CACHD1: variants seen among roughly 807,000 people sequenced by gnomAD.
CACHD1 encodes cache domain containing 1, also known as VWFA and cache domain-containing protein 1.
A neutral mutation model predicts 138.7 loss-of-function variants in CACHD1; 71 were observed. The observed-to-expected ratio is 0.51, with a 90% CI of 0.42 to 0.62. The LOEUF is 0.62. Ranked by LOEUF, CACHD1 falls within the 20% of genes least tolerant of loss-of-function variation. The pLI, the probability that CACHD1 is intolerant of heterozygous loss-of-function variation, is 0.00. For synonymous variants in CACHD1, 578 were observed against 591.5 expected (o/e 0.98, Z 0.33); for missense variants, 1,389 against 1,625.3 (o/e 0.85, Z 2.50).
At chr1:64,681,441 T>TAA in intron 25 of CACHD1, 106 bp downstream of exon 25, 1 of 848,820 alleles carries the variant, frequency 1.2e-6, no homozygotes, top group Non-Finnish European at 1.8e-6. Context: ...TAAGAAGCTT[T>TAA]GACACGGTGG....
At chr1:64,556,479 T>G (rs973354299) in intron 2 of CACHD1, among the ~76,000 whole-genome samples, 2 of 152,164 alleles carry the variant, frequency 1.3e-5, no homozygotes, top group African/African-American at 2.4e-5. Flanking sequence ...TTAATGAAAA[T>G]TAGATGCCCA....
chr1:64,617,530 G>C (rs72914236), intron 4 of CACHD1, among the ~76,000 whole-genome samples: 6,662 of 152,246 alleles, frequency 0.044, 499 homozygotes, highest in African/African-American at 0.15. Context: ...TATGAGCTCA[G>C]AACACAATCA....
chr1:64,483,864 TCCC>T (rs11297820), intron 1 of CACHD1, among the ~76,000 whole-genome samples: 1 of 130,536 alleles, frequency 7.7e-6, no homozygotes, highest in African/African-American at 3.2e-5. Context: ...TCTTTTACCT[TCCC>T]CCCCCCCCTT....
intron 1 of CACHD1, among the ~76,000 whole-genome samples, chr1:64,531,978 C>A (rs184382950): frequency 1.3e-5 from 2 of 152,220 alleles, no homozygotes; most frequent in East Asian, 3.9e-4. Flanking sequence ...TCCCTGTGTT[C>A]TAGAAACTCA....
At chr1:64,471,007 C>G in intron 1 of CACHD1, 65 bp downstream of exon 1, 1 of 1,476,406 alleles carries the variant, frequency 6.8e-7, no homozygotes, top group Non-Finnish European at 9.1e-7. Context: ...CCATCCCACT[C>G]CCGGTACAAG....
At chr1:64,663,600 T>C in intron 13 of CACHD1, 95 bp from the exon 14 acceptor site, 1 of 1,272,900 alleles carries the variant, frequency 7.9e-7, no homozygotes, top group Non-Finnish European at 1.1e-6. Context: ...TAAGCCACCA[T>C]AGCTGACAGA....
intron 1 of CACHD1, among the ~76,000 whole-genome samples, chr1:64,517,503 C>T (rs145016231): frequency 2.2e-4 from 34 of 152,196 alleles, no homozygotes; most frequent in Non-Finnish European, 4.4e-4. Flanking sequence ...CTGGAGGCCT[C>T]ATTGAGAAAA....
In CACHD1 at chr1:64,470,963, C is replaced by T; in HGVS notation, c.198+21C>T. 1 of 1,571,628 alleles carries T rather than the reference C, an allele frequency of 6.4e-7. No individual in the cohort carries two copies. The highest frequency in any genetic ancestry group is 8.6e-7 in the Non-Finnish European group (1 of 1,157,082). On this transcript the variant is annotated intron_variant, in intron 1 of 26. Coordinates refer to ENST00000651257, the MANE Select transcript of CACHD1 (RefSeq NM_020925.4). The surrounding 1 kb of genome is among the most constrained non-coding windows in gnomAD (Gnocchi z 5.2). Reference sequence around the variant, plus strand: ...TGCAGGTAAGTGGCCCCCGAGCTGGCCAGACATCCCGCCTTTCTCCTTTGC... The same window carrying T: ...TGCAGGTAAGTGGCCCCCGAGCTGGTCAGACATCCCGCCTTTCTCCTTTGC...
At chr1:64,514,582 T>C (rs369851434) in intron 1 of CACHD1, among the ~76,000 whole-genome samples, 1 of 152,166 alleles carries the variant, frequency 6.6e-6, no homozygotes, top group East Asian at 1.9e-4. Context: ...GCTAGATGCA[T>C]AGTTGACCAT....
intron 9 of CACHD1, among the ~76,000 whole-genome samples, chr1:64,651,219 T>C (rs2100679439): frequency 6.6e-6 from 1 of 152,228 alleles, no homozygotes; most frequent in Middle Eastern, 3.4e-3. Flanking sequence ...GCCTGAAATA[T>C]TTCCTGTCTG....
chr1:64,643,036 TAAAAAAAAAAAAAAAAAAA>T (rs139320316), intron 8 of CACHD1, among the ~76,000 whole-genome samples: 14 of 33,354 alleles, frequency 4.2e-4, no homozygotes, highest in East Asian at 3.5e-3. Context: ...AGACTCTGTC[TAAAAAAAAAAAAAAAAAAA>T]AAAAAAAAAA....
At chr1:64,561,251 A>G in intron 2 of CACHD1, among the ~76,000 whole-genome samples, 1 of 151,932 alleles carries the variant, frequency 6.6e-6, no homozygotes, top group East Asian at 1.9e-4. Context: ...CACAAAATCT[A>G]AAACCCTTGC....
intron 12 of CACHD1, among the ~76,000 whole-genome samples, chr1:64,655,308 A>G (rs901654045): frequency 6.6e-6 from 1 of 152,192 alleles, no homozygotes; most frequent in Admixed American, 6.5e-5. Context: ...AAATGTGTAT[A>G]TACAGGCAGG....
intron 17 of CACHD1, among the ~76,000 whole-genome samples, chr1:64,672,663 C>T (rs1179596972): frequency 1.3e-5 from 2 of 152,156 alleles, no homozygotes; most frequent in Non-Finnish European, 2.9e-5. Context: ...AACATATCTT[C>T]CACAGATAAG....
intron 23 of CACHD1, 30 bp from the exon 24 acceptor site, chr1:64,679,565 A>G: frequency 6.2e-7 from 1 of 1,611,230 alleles, no homozygotes; most frequent in Non-Finnish European, 8.5e-7. Flanking sequence ...AAATCTTAAC[A>G]AGAAACATCT....
chr1:64,565,049 G>C (rs1436304267), intron 2 of CACHD1, among the ~76,000 whole-genome samples: 4 of 149,924 alleles, frequency 2.7e-5, no homozygotes, highest in Non-Finnish European at 5.9e-5. Context: ...GATTTGTTTC[G>C]GGTTGCCTTG....
At chr1:64,485,256 A>T (rs187081745) in intron 1 of CACHD1, among the ~76,000 whole-genome samples, 3 of 152,302 alleles carry the variant, frequency 2.0e-5, no homozygotes, top group East Asian at 3.9e-4. Context: ...CACAGTCAAG[A>T]TATACAACAG....
chr1:64,488,784 C>A (rs965641287), intron 1 of CACHD1, among the ~76,000 whole-genome samples: 1 of 152,120 alleles, frequency 6.6e-6, no homozygotes, highest in Admixed American at 6.5e-5. Flanking sequence ...AGAAATGATT[C>A]TCATGTTGAA....
At chr1:64,472,582 G>C (rs1646152160) in intron 1 of CACHD1, among the ~76,000 whole-genome samples, 1 of 152,182 alleles carries the variant, frequency 6.6e-6, no homozygotes, top group African/African-American at 2.4e-5. Context: ...TTCAGATTCA[G>C]TTGCAATTTT....
Sources: allele counts gnomAD v4.1 joint callset (sites outside exome capture counted in the v4.1 genomes callset), GRCh38; gene constraint gnomAD v4.1.1; non-coding constraint Gnocchi (gnomAD v3.1); transcripts MANE v1.5; gene names NCBI Gene and HGNC (gene_info 2026-07-23, HGNC 2026-07-21).